SLC9A9: variants seen among roughly 807,000 people sequenced by gnomAD.
SLC9A9 encodes sodium/hydrogen exchanger 9.
A neutral mutation model predicts 77.8 loss-of-function variants in SLC9A9; 62 were observed. The observed-to-expected ratio is 0.80, with a 90% CI of 0.65 to 0.98. The LOEUF (loss-of-function observed/expected upper bound fraction) is 0.98. Ranked by LOEUF, SLC9A9 falls within the 50% of genes least tolerant of loss-of-function variation. SLC9A9 has a pLI of 0.00. For missense variants in SLC9A9, 775 were observed against 774.9 expected (o/e 1.00, Z 0.00); for synonymous variants, 320 against 283.5 (o/e 1.13, Z -1.29).
chr3:143,411,107 ATTTC>A (rs2034089112), intron 12 of SLC9A9, among the ~76,000 whole-genome samples: 1 of 152,130 alleles, frequency 6.6e-6, no homozygotes. Context: ...TTTATTAAGA[ATTTC>A]TTTATGTCTA....
chr3:143,381,298 A>C (rs2033297109), intron 13 of SLC9A9: 1 of 152,152 alleles, frequency 6.6e-6, no homozygotes, highest in African/African-American at 2.4e-5. Context: ...TGTTCTTGTG[A>C]CAGTGAATGG....
chr3:143,708,430 T>C (rs1224095193), intron 4 of SLC9A9, among the ~76,000 whole-genome samples: 1 of 152,194 alleles, frequency 6.6e-6, no homozygotes, highest in Non-Finnish European at 1.5e-5. Context: ...ACCACCATCC[T>C]GGGATGTGTG....
At chr3:143,800,637 G>A (rs2008525654) in intron 2 of SLC9A9, among the ~76,000 whole-genome samples, 1 of 152,130 alleles carries the variant, frequency 6.6e-6, no homozygotes, top group Non-Finnish European at 1.5e-5. Context: ...GTTTACCTGG[G>A]CTGTGCTGCC....
intron 4 of SLC9A9, among the ~76,000 whole-genome samples, chr3:143,734,931 G>C (rs535057873): frequency 6.6e-6 from 1 of 152,226 alleles, no homozygotes; most frequent in South Asian, 2.1e-4. Context: ...GCATAATAAA[G>C]ACAATCAGAC....
chr3:143,600,605 C>T (rs1170644966), intron 6 of SLC9A9, among the ~76,000 whole-genome samples: 1 of 152,120 alleles, frequency 6.6e-6, no homozygotes, highest in Non-Finnish European at 1.5e-5. Flanking sequence ...CATTCTTATT[C>T]CCTACATAGA....
chr3:143,757,912 C>T (rs545795591), intron 4 of SLC9A9, among the ~76,000 whole-genome samples: 34 of 152,230 alleles, frequency 2.2e-4, no homozygotes, highest in Admixed American at 7.2e-4. Flanking sequence ...CAAGTCAATG[C>T]AGTCACTAGG....
In SLC9A9 at chr3:143,652,308, T is replaced by C. The variant is rs548486307; in HGVS notation, c.702A>G (p.Thr234=). 382 of 1,613,136 alleles carry C rather than the reference T, an allele frequency of 2.4e-4. 1 individual carries two copies. Among genetic ancestry groups the C allele is most frequent in the Non-Finnish European group, 3.1e-4 (363 of 1,179,692 alleles). Residue 234 remains threonine (T), a synonymous_variant, in exon 6 of 16, where the codon ACA becomes ACG. Transcript: ENST00000316549. ...HELHVDPDLY[T]LLFGESVLND... is the part of the protein sequence containing the mutation. ...TCAACACACTCTCTCCAAACAAGAG[T>C]GTGTACAGGTCAGGGTCGACGTGCA...
intron 9 of SLC9A9, among the ~76,000 whole-genome samples, chr3:143,523,329 A>G (rs878941131): frequency 1.3e-5 from 2 of 152,178 alleles, no homozygotes; most frequent in Admixed American, 1.3e-4. Context: ...ATCTGTATAG[A>G]AATAGCTTTT....
chr3:143,759,654 G>A lies in SLC9A9; in HGVS notation c.533+35347C>T, dbSNP rs4839606. Among the ~76,000 whole-genome samples the A allele has an allele frequency of 1.7e-3, 263 of 151,720 alleles. 1 individual carries two copies. Among genetic ancestry groups the A allele is most frequent in the South Asian group, 5.6e-3 (27 of 4,806 alleles). Reference sequence around the variant, plus strand: ...CTCTATCCTCATAAGAAATACCCCCGTTTTTTTCAAGCTGCTCTGGGTTGG... The same window carrying A: ...CTCTATCCTCATAAGAAATACCCCCATTTTTTTCAAGCTGCTCTGGGTTGG... On this transcript the variant is annotated intron_variant, in intron 4 of 15. Transcript: ENST00000316549.
intron 14 of SLC9A9, among the ~76,000 whole-genome samples, chr3:143,294,441 G>T (rs1001179378): frequency 3.9e-5 from 6 of 152,168 alleles, no homozygotes; most frequent in African/African-American, 1.4e-4. Flanking sequence ...CAATACGTAT[G>T]CAACAAGGCA....
intron 9 of SLC9A9, among the ~76,000 whole-genome samples, chr3:143,543,247 T>A (rs1157334133): frequency 6.6e-6 from 1 of 152,184 alleles, no homozygotes; most frequent in Admixed American, 6.5e-5. Flanking sequence ...TCCTTTTTCA[T>A]TCTCAGCTGT....
chr3:143,292,871 C>T (rs1192865936), intron 14 of SLC9A9, among the ~76,000 whole-genome samples: 3 of 152,078 alleles, frequency 2.0e-5, no homozygotes, highest in Non-Finnish European at 2.9e-5. Context: ...CTGGCTGTAG[C>T]GTAGGTGGTC....
chr3:143,477,834 C>T (rs1406375372), intron 11 of SLC9A9, among the ~76,000 whole-genome samples: 2 of 152,126 alleles, frequency 1.3e-5, no homozygotes, highest in African/African-American at 4.8e-5. Context: ...TCACCTGTGA[C>T]AAAGCACAAA....
intron 4 of SLC9A9, among the ~76,000 whole-genome samples, chr3:143,752,999 C>T (rs760500070): frequency 1.3e-5 from 2 of 152,124 alleles, no homozygotes; most frequent in African/African-American, 2.4e-5. Flanking sequence ...AGTAAGTAGG[C>T]AAATCCACTC....
intron 8 of SLC9A9, among the ~76,000 whole-genome samples, chr3:143,569,786 A>C (rs534823023): frequency 1.3e-5 from 2 of 151,830 alleles, no homozygotes; most frequent in African/African-American, 4.8e-5. Context: ...TGACAGTCAA[A>C]AGGTTAATTT....
intron 9 of SLC9A9, among the ~76,000 whole-genome samples, chr3:143,515,005 C>G (rs1490745714): frequency 6.6e-6 from 1 of 152,166 alleles, no homozygotes; most frequent in Admixed American, 6.5e-5. Flanking sequence ...TAAGCTTAAT[C>G]ATTTCTAGCC....
chr3:143,737,475 TA>T (rs550280959), intron 4 of SLC9A9, among the ~76,000 whole-genome samples: 5 of 140,050 alleles, frequency 3.6e-5, no homozygotes, highest in East Asian at 4.0e-4. Flanking sequence ...TAATGAGAGT[TA>T]AAAAAAAAAC....
intron 12 of SLC9A9, among the ~76,000 whole-genome samples, chr3:143,415,777 G>A (rs992832813): frequency 1.3e-5 from 2 of 152,152 alleles, no homozygotes; most frequent in African/African-American, 4.8e-5. Flanking sequence ...TATTTCATAA[G>A]GCTATAGCTG....
chr3:143,777,716 C>CTTT (rs34103558), intron 4 of SLC9A9, among the ~76,000 whole-genome samples: 31 of 135,954 alleles, frequency 2.3e-4, no homozygotes, highest in African/African-American at 7.3e-4. Flanking sequence ...GTCACTGATA[C>CTTT]TTTTTTTTTT....
Sources: allele counts gnomAD v4.1 joint callset (sites outside exome capture counted in the v4.1 genomes callset), GRCh38; gene constraint gnomAD v4.1.1; transcripts MANE v1.5; gene names NCBI Gene and HGNC (gene_info 2026-07-23, HGNC 2026-07-21).